EPHA3: variants seen among roughly 807,000 people sequenced by gnomAD.
EPHA3 encodes the protein ephrin type-A receptor 3.
In EPHA3, 42 loss-of-function variants were observed where a neutral mutation model predicts 107.1. That is an observed-to-expected ratio of 0.39 (90% confidence interval 0.31 to 0.51). The LOEUF is 0.51. Ranked by LOEUF, EPHA3 falls within the 20% of genes least tolerant of loss-of-function variation. The pLI is 0.78. For synonymous variants in EPHA3, 461 were observed against 424.8 expected (o/e 1.09, Z -1.05); for missense variants, 1,183 against 1,211.2 (o/e 0.98, Z 0.35).
intron 11 of EPHA3, among the ~76,000 whole-genome samples, chr3:89,421,324 A>G (rs1163207832): frequency 1.3e-5 from 2 of 151,322 alleles, no homozygotes; most frequent in African/African-American, 2.4e-5. Context: ...ATTAAAAAAA[A>G]TATTGATGAA....
At chr3:89,340,876 A>AC in intron 3 of EPHA3, 40 bp from the exon 4 acceptor site, 1 of 1,520,170 alleles carries the variant, frequency 6.6e-7, no homozygotes, top group Non-Finnish European at 8.8e-7. Flanking sequence ...TTTCAAAAAA[A>AC]TTATCACAGA....
chr3:89,208,423 GAAGAAAGAAAGAAAGAAAGAAAGA>G lies in EPHA3; in HGVS notation c.154-1400_154-1377del, dbSNP rs745313705. 2.1e-4 allele frequency among the ~76,000 whole-genome samples: 8 copies of G among 37,546 alleles called. No individual in the cohort carries two copies. The East Asian group carries it at 3.7e-3, about 17-fold the overall frequency. 24.6% of individuals were successfully genotyped at this position (37,546 alleles called of 152,430 possible). On this transcript the variant is annotated intron_variant, in intron 2 of 16. Transcript: ENST00000336596. ...AAAAGGAAGGAAGGAAGGAAGGAAG[GAAGAAAGAAAGAAAGAAAGAAAGA>G]AAGAAAGAAAGAAAGAAAGAAAGAA... is the stretch of plus-strand genomic sequence containing the variant.
rs1449985838 is a variant in EPHA3 at position 89,362,702 on chromosome 3, T to C, written c.1306+20612T>C. Reference sequence around the variant, plus strand: ...TTGGGTGTTTGTGAAAAGCACCAGATTGTCAGATGGCAGGATGTGTACAAC... The same window carrying C: ...TTGGGTGTTTGTGAAAAGCACCAGACTGTCAGATGGCAGGATGTGTACAAC... On this transcript the variant is annotated intron_variant, in intron 5 of 16. Coordinates refer to ENST00000336596, the MANE Select transcript of EPHA3 (RefSeq NM_005233.6). Among the ~76,000 whole-genome samples the C allele has an allele frequency of 1.3e-5, 2 of 150,864 alleles. 1 individual carries two copies. Among genetic ancestry groups the C allele is most frequent in the Non-Finnish European group, 3.0e-5 (2 of 67,404 alleles).
At chr3:89,269,992 G>T (rs1000910096) in intron 3 of EPHA3, among the ~76,000 whole-genome samples, 2 of 151,632 alleles carry the variant, frequency 1.3e-5, no homozygotes, top group African/African-American at 4.8e-5. Flanking sequence ...GTCTGAGTTG[G>T]GTTATCTTTA....
At chr3:89,326,704 T>A (rs1192868312) in intron 3 of EPHA3, among the ~76,000 whole-genome samples, 2 of 150,198 alleles carry the variant, frequency 1.3e-5, no homozygotes, top group African/African-American at 2.4e-5. Context: ...ACTAGCCAGT[T>A]TTTTTTTTTT....
chr3:89,323,291 A>C (rs1010392625), intron 3 of EPHA3, among the ~76,000 whole-genome samples: 3 of 152,132 alleles, frequency 2.0e-5, no homozygotes, highest in Non-Finnish European at 4.4e-5. Flanking sequence ...TAATTCCTAC[A>C]AAATCCTATT....
intron 2 of EPHA3, among the ~76,000 whole-genome samples, chr3:89,153,312 T>C (rs1476171832): frequency 3.9e-5 from 6 of 152,118 alleles, no homozygotes; most frequent in Non-Finnish European, 7.4e-5. Flanking sequence ...TTGCGGGTCC[T>C]TCTTCATTGA....
At chr3:89,237,842 G>T (rs142004213) in intron 3 of EPHA3, among the ~76,000 whole-genome samples, 3 of 152,112 alleles carry the variant, frequency 2.0e-5, no homozygotes, top group Non-Finnish European at 2.9e-5. Context: ...AGCTGGGCAT[G>T]GTGGTAAATT....
intron 3 of EPHA3, among the ~76,000 whole-genome samples, chr3:89,284,579 T>C (rs1244645534): frequency 3.3e-5 from 5 of 152,206 alleles, no homozygotes; most frequent in Non-Finnish European, 7.3e-5. Flanking sequence ...CAAATGATTA[T>C]TTAGAATAAA....
At chr3:89,274,231 C>A (rs1006995954) in intron 3 of EPHA3, among the ~76,000 whole-genome samples, 1 of 151,920 alleles carries the variant, frequency 6.6e-6, no homozygotes, top group Non-Finnish European at 1.5e-5. Context: ...CCACTTTGTA[C>A]CAGCCTCAAC....
intron 10 of EPHA3, among the ~76,000 whole-genome samples, chr3:89,416,040 A>G (rs1709240400): frequency 6.6e-6 from 1 of 151,422 alleles, no homozygotes; most frequent in African/African-American, 2.4e-5. Flanking sequence ...ATTGTTCAAT[A>G]TGTGTTTTTA....
chr3:89,300,870 G>A (rs1706469935), intron 3 of EPHA3, among the ~76,000 whole-genome samples: 1 of 152,074 alleles, frequency 6.6e-6, no homozygotes, highest in Non-Finnish European at 1.5e-5. Context: ...GTTCTCTAGA[G>A]ATCTCTGAGT....
rs1023268408 is a variant in EPHA3 at position 89,359,455 on chromosome 3, T to C, written c.1306+17365T>C. 4.6e-5 allele frequency among the ~76,000 whole-genome samples: 7 copies of C among 150,566 alleles called. 1 individual carries two copies. Among genetic ancestry groups the C allele is most frequent in the Admixed American group, 2.0e-4 (3 of 14,988 alleles). On this transcript the variant is annotated intron_variant, in intron 5 of 16. Coordinates refer to ENST00000336596, the MANE Select transcript of EPHA3 (RefSeq NM_005233.6). Reference sequence around the variant, plus strand: ...TCTATGTTAATCTACATGCACACTTTGTTGAGAAGTAAGAATTTAGCTGTC... The same window carrying C: ...TCTATGTTAATCTACATGCACACTTCGTTGAGAAGTAAGAATTTAGCTGTC...
chr3:89,136,146 A>G (rs965828243), intron 2 of EPHA3, among the ~76,000 whole-genome samples: 3 of 151,936 alleles, frequency 2.0e-5, no homozygotes, highest in Non-Finnish European at 4.4e-5. Flanking sequence ...TCCAAATTCT[A>G]CTTCATAGGC....
At chr3:89,291,766 T>G (rs1262441670) in intron 3 of EPHA3, among the ~76,000 whole-genome samples, 2 of 152,184 alleles carry the variant, frequency 1.3e-5, no homozygotes. Flanking sequence ...AGATCAGAAC[T>G]GTTACCCTGT....
At chr3:89,326,748 C>T (rs1707174367) in intron 3 of EPHA3, among the ~76,000 whole-genome samples, 1 of 151,844 alleles carries the variant, frequency 6.6e-6, no homozygotes, top group South Asian at 2.1e-4. Context: ...TCCATAGATG[C>T]AGAACCCATA....
At chr3:89,153,052 A>G (rs1206462227) in intron 2 of EPHA3, among the ~76,000 whole-genome samples, 1 of 152,144 alleles carries the variant, frequency 6.6e-6, no homozygotes, top group Non-Finnish European at 1.5e-5. Context: ...GCATATTTAA[A>G]TAAGCACCAC....
intron 3 of EPHA3, among the ~76,000 whole-genome samples, chr3:89,254,862 A>G (rs1046774338): frequency 6.6e-6 from 1 of 152,304 alleles, no homozygotes; most frequent in African/African-American, 2.4e-5. Context: ...TCTGAACTCT[A>G]AAGGGCTTCC....
intron 2 of EPHA3, among the ~76,000 whole-genome samples, chr3:89,196,911 C>T (rs188766715): frequency 6.6e-6 from 1 of 152,188 alleles, no homozygotes; most frequent in African/African-American, 2.4e-5. Flanking sequence ...TATTTTCTTC[C>T]TATTTCCACC....
Sources: gnomAD v4.1 joint callset for allele counts (sites outside exome capture counted in the v4.1 genomes callset) on GRCh38, gnomAD v4.1.1 for gene constraint, MANE v1.5 for transcripts, NCBI Gene and HGNC (gene_info 2026-07-23, HGNC 2026-07-21) for gene names.